Variants in ERGIC2 observed in about 807,000 individuals in gnomAD.
ERGIC2 encodes the protein endoplasmic reticulum-Golgi intermediate compartment protein 2.
ERGIC2 carries 31 observed loss-of-function variants against 52.5 expected under a neutral mutation model. The observed-to-expected ratio is 0.59, with a 90% CI of 0.44 to 0.80. The LOEUF is 0.80. Ranked by LOEUF, ERGIC2 falls within the 30% of genes least tolerant of loss-of-function variation. The probability of loss-of-function intolerance (pLI) is 0.00; values close to 1 mark genes in which losing one functional copy is unlikely to be tolerated. For synonymous variants in ERGIC2, 129 were observed against 140.6 expected (o/e 0.92, Z 0.58); for missense variants, 395 against 455.2 (o/e 0.87, Z 1.20).
At chr12:29,341,696 G>A (rs1277112813) in intron 13 of ERGIC2, 38 bp downstream of exon 13, 1 of 1,052,862 alleles carries the variant, frequency 9.5e-7, no homozygotes, top group East Asian at 2.4e-5. Flanking sequence ...ATGATTCTAA[G>A]ATTTAGAGAT....
chr12:29,377,561 C>T (rs940231236), intron 1 of ERGIC2, among the ~76,000 whole-genome samples: 1 of 152,164 alleles, frequency 6.6e-6, no homozygotes, highest in African/African-American at 2.4e-5. Flanking sequence ...AGACACAATA[C>T]TTGTTCAGTA....
At chr12:29,356,551 GA>G (rs936881304) in intron 7 of ERGIC2, 74 bp from the exon 8 acceptor site, 159 of 716,406 alleles carry the variant, frequency 2.2e-4, no homozygotes, top group Middle Eastern at 5.6e-4. Flanking sequence ...AATGTGTATA[GA>G]AAAAAAAATC....
At chr12:29,374,809 T>C (rs1423592716) in intron 1 of ERGIC2, among the ~76,000 whole-genome samples, 2 of 152,204 alleles carry the variant, frequency 1.3e-5, no homozygotes, top group Non-Finnish European at 2.9e-5. Flanking sequence ...AATCTATCAC[T>C]ACATTGCTTC....
chr12:29,356,621 G>C (rs1249650630), intron 7 of ERGIC2, 144 bp from the exon 8 acceptor site: 3 of 479,882 alleles, frequency 6.3e-6, no homozygotes, highest in Admixed American at 3.7e-5. Flanking sequence ...GTTTCCTGAA[G>C]TCTAGACATT....
intron 8 of ERGIC2, 36 bp downstream of exon 8, chr12:29,356,346 T>A (rs1940204374): frequency 1.6e-6 from 2 of 1,241,210 alleles, no homozygotes; most frequent in Non-Finnish European, 2.4e-6. Flanking sequence ...GCTCCAACTT[T>A]GTCTAAAGTA....
At chr12:29,346,354 A>C (rs1167569944) in intron 10 of ERGIC2, among the ~76,000 whole-genome samples, 1 of 151,354 alleles carries the variant, frequency 6.6e-6, no homozygotes, top group East Asian at 2.0e-4. Flanking sequence ...AGCCCAACTA[A>C]ATTTTTTTCA....
At chr12:29,357,166 C>T (rs539902250) in intron 7 of ERGIC2, among the ~76,000 whole-genome samples, 9 of 152,230 alleles carry the variant, frequency 5.9e-5, no homozygotes, top group Non-Finnish European at 1.3e-4. Flanking sequence ...GACGGAGTTT[C>T]ACCATGTTGG....
chr12:29,349,046 T>C, intron 10 of ERGIC2, 33 bp downstream of exon 10: 1 of 1,173,176 alleles, frequency 8.5e-7, no homozygotes, highest in South Asian at 1.4e-5. Context: ...ATTTTCTACA[T>C]GTAAAATCCA....
chr12:29,348,944 C>A (rs1591989238), intron 10 of ERGIC2, 135 bp downstream of exon 10: 1 of 520,690 alleles, frequency 1.9e-6, no homozygotes, highest in Non-Finnish European at 3.4e-6. Flanking sequence ...ATTCTCTTCA[C>A]ATACATCTCA....
chr12:29,351,815 T>C (rs1353369268), intron 8 of ERGIC2, among the ~76,000 whole-genome samples: 11 of 152,338 alleles, frequency 7.2e-5, no homozygotes, highest in African/African-American at 2.4e-4. Context: ...ATGATAAAAT[T>C]CTACAGTGTT....
Position 29,343,119 on chromosome 12 carries a change from C to A in ERGIC2, c.988+1G>T. On this transcript the variant is annotated splice_donor_variant, in intron 12 of 13. Transcript: ENST00000360150. LOFTEE classifies it high-confidence loss of function. Reference sequence around the variant, plus strand: ...TAGACAAAAAGGAAATGGTTGTTAACCTGTTGTTGAAAAGATTCCTCCAAC... The same window carrying A: ...TAGACAAAAAGGAAATGGTTGTTAAACTGTTGTTGAAAAGATTCCTCCAAC... 6.3e-7 allele frequency: 1 copy of A among 1,585,204 alleles called. No individual in the cohort carries two copies. The highest frequency in any genetic ancestry group is 1.2e-5 in the South Asian group (1 of 86,188).
intron 12 of ERGIC2, 102 bp downstream of exon 12, chr12:29,343,018 C>A: frequency 1.0e-6 from 1 of 978,264 alleles, no homozygotes; most frequent in South Asian, 2.3e-5. Flanking sequence ...TATTTAAACA[C>A]CGAAACATGA....
intron 8 of ERGIC2, among the ~76,000 whole-genome samples, chr12:29,353,733 T>TTTG (rs1271548216): frequency 1.3e-5 from 2 of 152,084 alleles, no homozygotes; most frequent in African/African-American, 2.4e-5. Flanking sequence ...TTCCTTCTTT[T>TTTG]TTTTTTTGTT....
chr12:29,373,578 A>C (rs1245301676), intron 1 of ERGIC2, among the ~76,000 whole-genome samples: 3 of 152,210 alleles, frequency 2.0e-5, no homozygotes, highest in Non-Finnish European at 4.4e-5. Context: ...TACTGTCTAA[A>C]GGAAAGAAGC....
At chr12:29,372,574 TA>T (rs1422255256) in intron 1 of ERGIC2, 3 of 152,154 alleles carry the variant, frequency 2.0e-5, no homozygotes, top group African/African-American at 7.2e-5. Flanking sequence ...GTGTTATTTT[TA>T]AATACTGAAG....
At chr12:29,379,144 A>G (rs1423448281) in intron 1 of ERGIC2, among the ~76,000 whole-genome samples, 1 of 152,202 alleles carries the variant, frequency 6.6e-6, no homozygotes, top group Non-Finnish European at 1.5e-5. Flanking sequence ...TGAAGCAAGG[A>G]CAAGTATAAT....
intron 6 of ERGIC2, among the ~76,000 whole-genome samples, chr12:29,358,688 A>AATAC (rs1456768090): frequency 6.6e-6 from 1 of 152,136 alleles, no homozygotes; most frequent in Non-Finnish European, 1.5e-5. Flanking sequence ...CTAAAAGAAA[A>AATAC]ATACATACAT....
intron 12 of ERGIC2, 181 bp from the exon 13 acceptor site, chr12:29,341,997 AC>A (rs1949843592): frequency 2.2e-6 from 1 of 457,906 alleles, no homozygotes; most frequent in Non-Finnish European, 4.0e-6. Context: ...TCACAAGGCC[AC>A]ATAATTCACG....
At chr12:29,369,040 T>C (rs1269004225) in intron 3 of ERGIC2, among the ~76,000 whole-genome samples, 1 of 152,058 alleles carries the variant, frequency 6.6e-6, no homozygotes, top group East Asian at 1.9e-4. Flanking sequence ...GATAACTTTT[T>C]TCTGTGTAAT....
Sources: gnomAD v4.1 joint callset for allele counts (sites outside exome capture counted in the v4.1 genomes callset) on GRCh38, gnomAD v4.1.1 for gene constraint, MANE v1.5 for transcripts, NCBI Gene and HGNC (gene_info 2026-07-23, HGNC 2026-07-21) for gene names.